The following FAM83B variants were observed in gnomAD, a reference collection of about 807,000 sequenced individuals.
FAM83B encodes scaffolding CK1 anchoring protein B.
FAM83B carries 26 observed loss-of-function variants against 38.8 expected under a neutral mutation model. That is an observed-to-expected ratio of 0.67 (90% confidence interval 0.49 to 0.93). The LOEUF (loss-of-function observed/expected upper bound fraction) is 0.93, where lower values mean the gene tolerates loss of function less well. Ranked by LOEUF, FAM83B falls within the 40% of genes least tolerant of loss-of-function variation. The pLI, the probability that FAM83B is intolerant of heterozygous loss-of-function variation, is 0.00. For synonymous variants in FAM83B, 419 were observed against 423.1 expected (o/e 0.99, Z 0.12); for missense variants, 1,237 against 1,197.3 (o/e 1.03, Z -0.49).
intron 2 of FAM83B, among the ~76,000 whole-genome samples, chr6:54,895,122 G>T (rs1772500266): frequency 6.6e-6 from 1 of 152,224 alleles, no homozygotes; most frequent in South Asian, 2.1e-4. Context: ...TGCATTACCA[G>T]TGGTGTTAAA....
intron 1 of FAM83B, among the ~76,000 whole-genome samples, chr6:54,853,461 G>A (rs1412789834): frequency 6.6e-6 from 1 of 152,116 alleles, no homozygotes. Context: ...TACAGCTGGT[G>A]ACTTTTAAGT....
At chr6:54,894,863 G>A (rs573253120) in intron 2 of FAM83B, among the ~76,000 whole-genome samples, 11 of 152,302 alleles carry the variant, frequency 7.2e-5, no homozygotes, top group South Asian at 6.2e-4. Context: ...GCATGAACTC[G>A]GGATCCAGAC....
intron 4 of FAM83B, among the ~76,000 whole-genome samples, chr6:54,931,302 G>A (rs1773414696): frequency 2.0e-5 from 3 of 152,122 alleles, no homozygotes; most frequent in Non-Finnish European, 4.4e-5. Flanking sequence ...GTTAGGTGCT[G>A]TTGGTCTGTA....
chr6:54,872,087 TC>T (rs1771870027), intron 2 of FAM83B, among the ~76,000 whole-genome samples: 2 of 152,176 alleles, frequency 1.3e-5, no homozygotes, highest in African/African-American at 4.8e-5. Flanking sequence ...GTAATTTTTT[TC>T]CCTAAACCTT....
intron 2 of FAM83B, among the ~76,000 whole-genome samples, chr6:54,923,526 G>T (rs1773218015): frequency 6.6e-6 from 1 of 152,002 alleles, no homozygotes; most frequent in Non-Finnish European, 1.5e-5. Context: ...CACATTGACT[G>T]GTCCCATATT....
Position 54,940,265 on chromosome 6 carries a change from GGCTATGTAAGCCACCACAACACACCT to G in FAM83B, c.1297_1322del (p.Tyr433ProfsTer27), listed in dbSNP as rs1392148362. The G allele has an allele frequency of 6.2e-7, 1 of 1,614,022 alleles. No individual in the cohort carries two copies. The highest frequency in any genetic ancestry group is 8.5e-7 in the Non-Finnish European group (1 of 1,179,996). ...CAGTGTGGCGTCCTCATCACGGGAA[GGCTATGTAAGCCACCACAACACACCT>G]GCCCAGAGTTTTGCCAATCGGCTTG... On this transcript the variant is annotated frameshift_variant, in exon 5 of 5. Transcript: ENST00000306858. LOFTEE classifies it low-confidence loss of function (END_TRUNC).
At chr6:54,896,281 C>T (rs1652527268) in intron 2 of FAM83B, among the ~76,000 whole-genome samples, 1 of 152,182 alleles carries the variant, frequency 6.6e-6, no homozygotes, top group African/African-American at 2.4e-5. Flanking sequence ...ATAATCTTAA[C>T]ATTCTACCTT....
chr6:54,933,919 A>G (rs6906651), intron 4 of FAM83B, among the ~76,000 whole-genome samples: 2 of 151,944 alleles, frequency 1.3e-5, no homozygotes, highest in African/African-American at 2.4e-5. Flanking sequence ...GGGCTGGGGG[A>G]AAAGTTTCTC....
At chr6:54,879,834 G>A (rs1024638415) in intron 2 of FAM83B, among the ~76,000 whole-genome samples, 2 of 152,094 alleles carry the variant, frequency 1.3e-5, no homozygotes, top group African/African-American at 4.8e-5. Flanking sequence ...ACAGGCGTTG[G>A]GATAATGGTC....
intron 2 of FAM83B, among the ~76,000 whole-genome samples, chr6:54,922,681 C>T (rs959100663): frequency 7.2e-5 from 11 of 152,044 alleles, no homozygotes; most frequent in Non-Finnish European, 1.5e-4. Context: ...GAGTATGTTT[C>T]ACAGGTAGTT....
chr6:54,938,037 C>T (rs1226408779), intron 4 of FAM83B, among the ~76,000 whole-genome samples: 2 of 151,776 alleles, frequency 1.3e-5, no homozygotes, highest in Admixed American at 6.6e-5. Context: ...CCTCTCCTAC[C>T]CTCCTTCTCT....
intron 1 of FAM83B, among the ~76,000 whole-genome samples, chr6:54,868,359 A>G (rs1771767595): frequency 6.6e-6 from 1 of 152,126 alleles, no homozygotes; most frequent in South Asian, 2.1e-4. Context: ...ATGTCTCCAG[A>G]TGTTGTCAGA....
At chr6:54,867,009 CT>C (rs893864534) in intron 1 of FAM83B, among the ~76,000 whole-genome samples, 6 of 151,108 alleles carry the variant, frequency 4.0e-5, no homozygotes, top group Non-Finnish European at 8.9e-5. Flanking sequence ...TGTAAGGCCA[CT>C]TTTTTTCTGG....
rs1270236307 is a variant in FAM83B at position 54,940,650 on chromosome 6, C to T, written c.1679C>T (p.Thr560Ile). ...GAGCAAAAGGAAGTTAACAGTTGTA[C>T]AACTGGCTCCTCAAATTCAACTATC... ...LPEQKEVNSC[T>I]TGSSNSTIIG... is the part of the protein sequence containing the mutation. Residue 560 changes from threonine (T) to isoleucine (I), a missense_variant, in exon 5 of 5, where the codon ACA becomes ATA. Transcript: ENST00000306858. The T allele has an allele frequency of 6.2e-7, 1 of 1,614,002 alleles. No individual in the cohort carries two copies. Among genetic ancestry groups the T allele is most frequent in the East Asian group, 2.2e-5 (1 of 44,864 alleles).
intron 4 of FAM83B, among the ~76,000 whole-genome samples, chr6:54,938,524 T>C (rs35908115): frequency 0.012 from 1,759 of 152,168 alleles, 15 homozygotes; most frequent in Middle Eastern, 0.024. Context: ...TGCATGCCAA[T>C]GTCTATTAGT....
intron 2 of FAM83B, among the ~76,000 whole-genome samples, chr6:54,872,924 T>C (rs1771892656): frequency 1.3e-5 from 2 of 152,154 alleles, no homozygotes. Flanking sequence ...AGAGAATTAT[T>C]TGATCTTGTA....
chr6:54,859,327 T>A (rs1771522787), intron 1 of FAM83B, among the ~76,000 whole-genome samples: 1 of 152,186 alleles, frequency 6.6e-6, no homozygotes, highest in Admixed American at 6.5e-5. Context: ...CCCAAAGTGC[T>A]GGGATTACCA....
At chr6:54,882,437 A>T (rs1772154456) in intron 2 of FAM83B, among the ~76,000 whole-genome samples, 1 of 152,086 alleles carries the variant, frequency 6.6e-6, no homozygotes, top group Non-Finnish European at 1.5e-5. Flanking sequence ...TAAAAAAATA[A>T]TTTTTTCTAG....
intron 2 of FAM83B, among the ~76,000 whole-genome samples, chr6:54,878,421 G>T (rs561839817): frequency 1.3e-5 from 2 of 152,300 alleles, no homozygotes; most frequent in African/African-American, 4.8e-5. Flanking sequence ...GTTGAGTAAA[G>T]GGAGCTGAGA....
Sources: gnomAD v4.1 joint callset for allele counts (sites outside exome capture counted in the v4.1 genomes callset) on GRCh38, gnomAD v4.1.1 for gene constraint, MANE v1.5 for transcripts, NCBI Gene and HGNC (gene_info 2026-07-23, HGNC 2026-07-21) for gene names.